DCLK1: variants seen among roughly 807,000 people sequenced by gnomAD.
DCLK1 encodes the protein serine/threonine-protein kinase DCLK1.
In DCLK1, 16 loss-of-function variants were observed where a neutral mutation model predicts 86.2. The ratio of observed to expected loss-of-function variants is 0.19; its 90% CI spans 0.13 to 0.28. The LOEUF is 0.28. Ranked by LOEUF, DCLK1 falls within the 10% of genes least tolerant of loss-of-function variation. The probability of loss-of-function intolerance (pLI) is 1.00; values close to 1 mark genes in which losing one functional copy is unlikely to be tolerated. For synonymous variants in DCLK1, 369 were observed against 370.5 expected (o/e 1.00, Z 0.05); for missense variants, 590 against 940.2 (o/e 0.63, Z 4.87).
chr13:35,836,352 G>A (rs183709101), intron 7 of DCLK1, among the ~76,000 whole-genome samples: 34 of 152,238 alleles, frequency 2.2e-4, no homozygotes, highest in African/African-American at 7.5e-4. Context: ...AAAAAGAAAC[G>A]TAAGGGGTCC....
intron 4 of DCLK1, among the ~76,000 whole-genome samples, chr13:35,886,492 C>T (rs1157200426): frequency 6.6e-6 from 1 of 152,120 alleles, no homozygotes; most frequent in African/African-American, 2.4e-5. Context: ...TTAGAAAAAG[C>T]TCCCCCCGAT....
intron 12 of DCLK1, among the ~76,000 whole-genome samples, chr13:35,809,328 A>G (rs1211894728): frequency 6.6e-6 from 1 of 152,228 alleles, no homozygotes; most frequent in Non-Finnish European, 1.5e-5. Flanking sequence ...AAAGGAATGC[A>G]TTGCTGGACT....
At chr13:35,910,186 G>A (rs1439561997) in intron 4 of DCLK1, among the ~76,000 whole-genome samples, 5 of 152,126 alleles carry the variant, frequency 3.3e-5, no homozygotes, top group African/African-American at 1.2e-4. Flanking sequence ...CCTACTTTCC[G>A]ATAAAAATTA....
intron 3 of DCLK1, among the ~76,000 whole-genome samples, chr13:35,971,296 A>T (rs1310550291): frequency 6.6e-6 from 1 of 152,192 alleles, no homozygotes; most frequent in African/African-American, 2.4e-5. Context: ...AAAGAATTAA[A>T]AGGGCTTTCT....
At chr13:35,824,646 G>C (rs1291274798) in intron 10 of DCLK1, among the ~76,000 whole-genome samples, 1 of 151,952 alleles carries the variant, frequency 6.6e-6, no homozygotes, top group East Asian at 1.9e-4. Context: ...GCTTCCCTCC[G>C]TGAGCTCCTT....
At position 35,772,965 on chromosome 13, in the gene DCLK1, T is replaced by C. The variant is rs2086361138; in HGVS notation, c.*1570A>G. On this transcript the variant is annotated 3_prime_UTR_variant, in exon 17 of 17. Transcript: ENST00000360631. ...TTCAAAACAGAGAACATAGGTACTG[T>C]TCAGCCACCAGATGCAAATTTCATG... 1 of 152,206 alleles carries C rather than the reference T, an allele frequency of 6.6e-6. No individual in the cohort carries two copies. The highest frequency in any genetic ancestry group is 2.4e-5 in the African/African-American group (1 of 41,454). 9.4% of individuals were successfully genotyped at this position (152,206 alleles called of 1,614,324 possible).
intron 3 of DCLK1, among the ~76,000 whole-genome samples, chr13:35,956,876 C>A (rs1439294960): frequency 6.6e-6 from 1 of 152,188 alleles, no homozygotes; most frequent in Non-Finnish European, 1.5e-5. Flanking sequence ...AAAATAAAAT[C>A]TGTGGTACTA....
intron 6 of DCLK1, chr13:35,846,470 C>T (rs1870184244): frequency 1.0e-6 from 1 of 985,310 alleles, no homozygotes; most frequent in Non-Finnish European, 1.2e-6. Flanking sequence ...TTTATACTAT[C>T]TTGGAATTTA....
chr13:35,838,527 A>T (rs764637504), intron 7 of DCLK1, among the ~76,000 whole-genome samples: 9 of 152,190 alleles, frequency 5.9e-5, no homozygotes, highest in Non-Finnish European at 1.2e-4. Flanking sequence ...GTCCAAAACA[A>T]TCCAGTGAGT....
At chr13:35,860,769 G>A (rs1292253434) in intron 5 of DCLK1, among the ~76,000 whole-genome samples, 2 of 152,192 alleles carry the variant, frequency 1.3e-5, no homozygotes, top group African/African-American at 4.8e-5. Flanking sequence ...GGTGCAACGT[G>A]TCATCTGTGA....
chr13:35,965,780 C>G (rs1374526567), intron 3 of DCLK1, among the ~76,000 whole-genome samples: 1 of 151,198 alleles, frequency 6.6e-6, no homozygotes, highest in Non-Finnish European at 1.5e-5. Flanking sequence ...TTCTCTCACT[C>G]TCTCTCTCTC....
chr13:35,919,498 T>C (rs1875657888), intron 4 of DCLK1, among the ~76,000 whole-genome samples: 1 of 152,194 alleles, frequency 6.6e-6, no homozygotes, highest in African/African-American at 2.4e-5. Flanking sequence ...CTGCTCCGGC[T>C]GAAGGAGAGG....
chr13:36,026,439 T>G (rs1187153994), intron 3 of DCLK1, among the ~76,000 whole-genome samples: 1 of 152,202 alleles, frequency 6.6e-6, no homozygotes, highest in African/African-American at 2.4e-5. Flanking sequence ...ACAGATTTAT[T>G]AATAGAAAAA....
At chr13:35,842,228 CAAAAAAAA>C (rs35862851) in intron 6 of DCLK1, among the ~76,000 whole-genome samples, 13 of 35,118 alleles carry the variant, frequency 3.7e-4, no homozygotes, top group Non-Finnish European at 5.2e-4. Context: ...GACTCCATCT[CAAAAAAAA>C]AAAAAAAAAA....
chr13:35,787,381 C>A (rs1459369690), intron 16 of DCLK1, among the ~76,000 whole-genome samples: 1 of 151,706 alleles, frequency 6.6e-6, no homozygotes, highest in Non-Finnish European at 1.5e-5. Context: ...TCTCAGAGTT[C>A]ATTTCTCAAA....
chr13:35,777,540 C>A (rs543046061), intron 16 of DCLK1, among the ~76,000 whole-genome samples: 89 of 152,288 alleles, frequency 5.8e-4, no homozygotes, highest in African/African-American at 1.9e-3. Context: ...AAGACATTGG[C>A]CACAGGTAGT....
chr13:36,071,131 T>C (rs1883959648), intron 3 of DCLK1, among the ~76,000 whole-genome samples: 1 of 152,058 alleles, frequency 6.6e-6, no homozygotes, highest in South Asian at 2.1e-4. Context: ...CACTTCAGAA[T>C]TTTTGACCAG....
chr13:35,936,859 C>T (rs1171088), intron 4 of DCLK1, among the ~76,000 whole-genome samples: 114,179 of 151,882 alleles, frequency 0.75, 43,026 homozygotes, highest in Admixed American at 0.82. Context: ...GAGACTCAGC[C>T]AAAGCTGGAA....
intron 15 of DCLK1, among the ~76,000 whole-genome samples, chr13:35,800,721 G>C (rs951928197): frequency 1.3e-5 from 2 of 151,346 alleles, no homozygotes; most frequent in Non-Finnish European, 2.9e-5. Context: ...CTTTCTTTTT[G>C]TTTGTTTGTT....
Sources: allele counts gnomAD v4.1 joint callset (sites outside exome capture counted in the v4.1 genomes callset), GRCh38; gene constraint gnomAD v4.1.1; transcripts MANE v1.5; gene names NCBI Gene and HGNC (gene_info 2026-07-23, HGNC 2026-07-21).